Variants in SH3D19 observed in about 807,000 individuals in gnomAD.
The protein encoded by SH3D19 is SH3 domain-containing protein 19.
SH3D19 carries 58 observed loss-of-function variants against 112.1 expected under a neutral mutation model. The observed-to-expected ratio is 0.52, with a 90% CI of 0.42 to 0.64. SH3D19 has a LOEUF of 0.64. Ranked by LOEUF, SH3D19 falls within the 30% of genes least tolerant of loss-of-function variation. SH3D19 has a pLI of 0.00. For missense variants in SH3D19, 1,090 were observed against 1,263.4 expected, an observed-to-expected ratio of 0.86 and a Z score of 2.08; for synonymous variants, 391 against 448.5, an observed-to-expected ratio of 0.87 and a Z score of 1.62.
intron 15 of SH3D19, 45 bp from the exon 16 acceptor site, chr4:151,133,281 T>A: frequency 6.6e-7 from 1 of 1,508,490 alleles, no homozygotes. Context: ...AGAGTGCTTT[T>A]AAAATGCTTA....
chr4:151,149,825 T>C (rs1175955606), intron 9 of SH3D19, among the ~76,000 whole-genome samples: 1 of 152,128 alleles, frequency 6.6e-6, no homozygotes, highest in African/African-American at 2.4e-5. Flanking sequence ...CACTGCATGG[T>C]CATGCACTCA....
chr4:151,186,951 C>T (rs561749293), intron 3 of SH3D19, among the ~76,000 whole-genome samples: 6 of 152,064 alleles, frequency 3.9e-5, no homozygotes, highest in East Asian at 1.9e-4. Flanking sequence ...CCTGCCACTA[C>T]GCCCGGCTAA....
intron 16 of SH3D19, 38 bp downstream of exon 16, chr4:151,132,996 T>C (rs1751047113): frequency 1.3e-6 from 2 of 1,508,702 alleles, no homozygotes; most frequent in African/African-American, 2.8e-5. Context: ...TTATTTGAAT[T>C]AGGACATAAC....
chr4:151,158,973 T>A (rs1028342562), intron 9 of SH3D19, among the ~76,000 whole-genome samples: 1 of 152,160 alleles, frequency 6.6e-6, no homozygotes, highest in Non-Finnish European at 1.5e-5. Context: ...TTCTCCTTAT[T>A]AGTTTCATTT....
At chr4:151,200,836 G>A (rs1399743645) in intron 2 of SH3D19, among the ~76,000 whole-genome samples, 2 of 152,128 alleles carry the variant, frequency 1.3e-5, no homozygotes, top group Non-Finnish European at 2.9e-5. Context: ...CATATATTTT[G>A]GTTTTGGTTT....
At chr4:151,215,137 G>A (rs1766854941) in intron 2 of SH3D19, among the ~76,000 whole-genome samples, 1 of 152,196 alleles carries the variant, frequency 6.6e-6, no homozygotes, top group South Asian at 2.1e-4. Flanking sequence ...GCCCAAGCTG[G>A]TCTCAAACTC....
At chr4:151,299,449 G>A (rs1227415975) in intron 1 of SH3D19, among the ~76,000 whole-genome samples, 2 of 151,892 alleles carry the variant, frequency 1.3e-5, no homozygotes, top group Non-Finnish European at 1.5e-5. Context: ...GCGTGGTGGC[G>A]CATGCCTGTA....
At chr4:151,147,893 C>T in intron 11 of SH3D19, 29 bp downstream of exon 11, 1 of 1,569,332 alleles carries the variant, frequency 6.4e-7, no homozygotes, top group Non-Finnish European at 8.6e-7. Flanking sequence ...CACCTCTTGA[C>T]CACAAACATT....
At chr4:151,285,490 C>T (rs976050990) in intron 1 of SH3D19, among the ~76,000 whole-genome samples, 6 of 152,056 alleles carry the variant, frequency 3.9e-5, no homozygotes, top group African/African-American at 1.4e-4. Flanking sequence ...TAACACACTG[C>T]TAAATTAGGA....
intron 9 of SH3D19, among the ~76,000 whole-genome samples, chr4:151,158,693 A>AC (rs1230178028): frequency 2.0e-5 from 3 of 150,820 alleles, no homozygotes; most frequent in Non-Finnish European, 4.4e-5. Flanking sequence ...AAAAAAAAAA[A>AC]ATAAATAAAA....
intron 1 of SH3D19, among the ~76,000 whole-genome samples, chr4:151,309,440 T>C (rs1200257081): frequency 2.0e-5 from 3 of 151,962 alleles, no homozygotes; most frequent in Non-Finnish European, 1.5e-5. Context: ...AGGAAACCCA[T>C]GGAACAGGAA....
chr4:151,140,520 T>C (rs200188885), intron 12 of SH3D19: 1 of 152,256 alleles, frequency 6.6e-6, no homozygotes, highest in East Asian at 1.9e-4. Context: ...TCTAGCCAAA[T>C]GCCGAGATTG....
At chr4:151,172,962 T>C (rs1019632064) in intron 7 of SH3D19, among the ~76,000 whole-genome samples, 1 of 152,236 alleles carries the variant, frequency 6.6e-6, no homozygotes, top group African/African-American at 2.4e-5. Flanking sequence ...TTACACACTT[T>C]GCTAAAAGAC....
chr4:151,324,818 C>G (rs978770858), intron 1 of SH3D19, among the ~76,000 whole-genome samples: 20 of 151,986 alleles, frequency 1.3e-4, no homozygotes, highest in African/African-American at 4.8e-4. Flanking sequence ...CAAGGGACGC[C>G]GAAACAGGAC....
chr4:151,297,423 G>T (rs1474647850), intron 1 of SH3D19, among the ~76,000 whole-genome samples: 1 of 152,212 alleles, frequency 6.6e-6, no homozygotes, highest in African/African-American at 2.4e-5. Context: ...ACACCAAGGA[G>T]TGAAAAGAAT....
intron 3 of SH3D19, among the ~76,000 whole-genome samples, chr4:151,182,908 G>A (rs955254490): frequency 2.0e-5 from 3 of 151,924 alleles, no homozygotes; most frequent in East Asian, 1.9e-4. Context: ...AGTCTGGTAC[G>A]TTTTGGGTTA....
chr4:151,169,572 G>A (rs917915629), intron 7 of SH3D19, among the ~76,000 whole-genome samples: 10 of 152,152 alleles, frequency 6.6e-5, no homozygotes, highest in Non-Finnish European at 1.2e-4. Flanking sequence ...CTCTAGCAAC[G>A]TAAGTTCACT....
At chr4:151,270,120 A>G (rs547991335) in intron 1 of SH3D19, among the ~76,000 whole-genome samples, 6 of 152,288 alleles carry the variant, frequency 3.9e-5, no homozygotes, top group Admixed American at 1.3e-4. Flanking sequence ...GTATAGCATA[A>G]TAAATACATA....
intron 2 of SH3D19, among the ~76,000 whole-genome samples, chr4:151,202,329 C>T (rs937377336): frequency 2.0e-5 from 3 of 152,052 alleles, no homozygotes; most frequent in Non-Finnish European, 4.4e-5. Flanking sequence ...AGCAAGACTC[C>T]GTCTCAAAAT....
Sources: allele counts gnomAD v4.1 joint callset (sites outside exome capture counted in the v4.1 genomes callset), GRCh38; gene constraint gnomAD v4.1.1; transcripts MANE v1.5; gene names NCBI Gene and HGNC (gene_info 2026-07-23, HGNC 2026-07-21).